NDNF: variants seen among roughly 807,000 people sequenced by gnomAD.
NDNF encodes neuron derived neurotrophic factor, also known as protein NDNF.
NDNF carries 16 observed loss-of-function variants against 42.0 expected under a neutral mutation model. The ratio of observed to expected loss-of-function variants is 0.38; its 90% CI spans 0.26 to 0.58. NDNF has a LOEUF of 0.58. NDNF is among the 20% of genes least tolerant of loss of function. NDNF has a pLI of 0.67. For missense variants in NDNF, 616 were observed against 666.2 expected, an observed-to-expected ratio of 0.92 and a Z score of 0.83; for synonymous variants, 248 against 251.7, an observed-to-expected ratio of 0.99 and a Z score of 0.14.
At chr4:121,063,904 A>T (rs1053973876) in intron 1 of NDNF, among the ~76,000 whole-genome samples, 1 of 152,200 alleles carries the variant, frequency 6.6e-6, no homozygotes, top group Non-Finnish European at 1.5e-5. Context: ...TTTTACCTGA[A>T]ATAATTATCT....
intron 1 of NDNF, chr4:121,061,260 T>C (rs1727400864): frequency 6.6e-6 from 1 of 152,664 alleles, no homozygotes; most frequent in Non-Finnish European, 1.5e-5. Context: ...GTTTGGAGGT[T>C]CTGGCAGGGG....
chr4:121,064,139 T>C (rs1344521953), intron 1 of NDNF, among the ~76,000 whole-genome samples: 2 of 152,222 alleles, frequency 1.3e-5, no homozygotes, highest in Non-Finnish European at 2.9e-5. Context: ...AACATTTTCA[T>C]CAATTTTGCT....
rs374632297 is a variant in NDNF at position 121,063,450 on chromosome 4, A to AAC, written c.-2+8541_-2+8542dup. Among the ~76,000 whole-genome samples, 216 of 150,592 alleles carry AAC rather than the reference A, an allele frequency of 1.4e-3. 1 individual carries two copies. The highest frequency in any genetic ancestry group is 0.012 in the South Asian group (58 of 4,766). ...TGTCTATTACACATATGTGCACATA[A>AAC]ACACACACACACACACACAGAGTGA... On this transcript the variant is annotated intron_variant, in intron 1 of 3. Transcript: ENST00000379692.
intron 1 of NDNF, among the ~76,000 whole-genome samples, chr4:121,052,308 G>A (rs1727212189): frequency 1.3e-5 from 2 of 152,152 alleles, no homozygotes; most frequent in Admixed American, 1.3e-4. Flanking sequence ...TGCAGGCCAC[G>A]AAGTTGAAAT....
chr4:121,052,091 T>C (rs927009447), intron 1 of NDNF, among the ~76,000 whole-genome samples: 2 of 152,196 alleles, frequency 1.3e-5, no homozygotes, highest in Non-Finnish European at 2.9e-5. Context: ...TCAAAACAAA[T>C]TCCTCCATCC....
intron 2 of NDNF, among the ~76,000 whole-genome samples, chr4:121,043,332 T>C (rs755132033): frequency 4.6e-5 from 7 of 152,238 alleles, no homozygotes; most frequent in Non-Finnish European, 8.8e-5. Flanking sequence ...TATCTGGAAT[T>C]TCTTTTTTTA....
At chr4:121,044,921 G>A (rs983736741) in intron 2 of NDNF, among the ~76,000 whole-genome samples, 4 of 152,198 alleles carry the variant, frequency 2.6e-5, no homozygotes, top group East Asian at 3.8e-4. Flanking sequence ...AGCCATGACC[G>A]TGCTACTGCA....
At chr4:121,070,888 G>T (rs547918956) in intron 1 of NDNF, among the ~76,000 whole-genome samples, 1 of 152,296 alleles carries the variant, frequency 6.6e-6, no homozygotes, top group East Asian at 1.9e-4. Context: ...CAACTTGGCC[G>T]GAGGGACAGC....
chr4:121,048,186 C>T (rs540576021), intron 1 of NDNF, among the ~76,000 whole-genome samples: 18 of 152,296 alleles, frequency 1.2e-4, no homozygotes, highest in African/African-American at 4.3e-4. Flanking sequence ...CAAAACTTGC[C>T]TTGTGAGAAC....
At chr4:121,052,134 A>G (rs758953826) in intron 1 of NDNF, among the ~76,000 whole-genome samples, 9 of 152,228 alleles carry the variant, frequency 5.9e-5, no homozygotes, top group Non-Finnish European at 7.3e-5. Context: ...GCAGAAATGT[A>G]TAAATGTAGT....
chr4:121,036,190 G>T lies in NDNF; in HGVS notation c.*74C>A. 2 of 1,191,994 alleles carry T rather than the reference G, an allele frequency of 1.7e-6. No individual in the cohort carries two copies. Among genetic ancestry groups the T allele is most frequent in the Non-Finnish European group, 2.4e-6 (2 of 840,164 alleles). The allele number at this position is 1,191,994 out of a possible 1,614,324, so 73.8% of individuals were successfully genotyped here. ...GTCACAACTTCTCTCAACTGTGGGA[G>T]TAGTCAGTTTATACTTAAAGTGATT... On this transcript the variant is annotated 3_prime_UTR_variant, in exon 4 of 4. Transcript: ENST00000379692.
intron 1 of NDNF, among the ~76,000 whole-genome samples, chr4:121,048,850 A>G (rs1169134073): frequency 1.3e-5 from 2 of 152,320 alleles, no homozygotes; most frequent in South Asian, 4.1e-4. Context: ...AGAAAAAAAA[A>G]TCTGAGATAA....
intron 1 of NDNF, among the ~76,000 whole-genome samples, chr4:121,054,637 A>G (rs924793723): frequency 6.6e-6 from 1 of 152,228 alleles, no homozygotes; most frequent in African/African-American, 2.4e-5. Context: ...CAGGAGAAAA[A>G]GCATTCTGGG....
At chr4:121,060,177 G>A (rs1488645568) in intron 1 of NDNF, among the ~76,000 whole-genome samples, 1 of 151,610 alleles carries the variant, frequency 6.6e-6, no homozygotes, top group East Asian at 1.9e-4. Flanking sequence ...ACCTTCTTTA[G>A]TTTTTTTATT....
Position 121,037,491 on chromosome 4 carries a change from T to G in NDNF, c.480A>C (p.Lys160Asn). Residue 160 changes from lysine to asparagine, a missense_variant, in exon 4 of 4, where the codon AAA becomes AAC. By Grantham distance (94) the Lys-to-Asn change is moderately conservative. Transcript: ENST00000379692. ...ATTCTGGAGTTGTGGTGGCATATAC[T>G]TTGAAATGTGTGTCTTTCTCTGTTG... ...LLSTEKDTHF[K>N]VYATTTPESD... 6.2e-7 allele frequency: 1 copy of G among 1,614,172 alleles called. No homozygotes were observed. Among genetic ancestry groups the G allele is most frequent in the Non-Finnish European group, 8.5e-7 (1 of 1,180,036 alleles).
chr4:121,058,889 G>A (rs184204538), intron 1 of NDNF, among the ~76,000 whole-genome samples: 1,922 of 151,652 alleles, frequency 0.013, 25 homozygotes, highest in Middle Eastern at 0.027. Context: ...AAAATTAAAA[G>A]TAAGATGGCT....
At chr4:121,041,143 T>C (rs1726990810) in intron 2 of NDNF, among the ~76,000 whole-genome samples, 1 of 152,224 alleles carries the variant, frequency 6.6e-6, no homozygotes, top group Non-Finnish European at 1.5e-5. Context: ...GCCTTTATTG[T>C]AATGCCTTAA....
chr4:121,068,377 G>T (rs978050775), intron 1 of NDNF, among the ~76,000 whole-genome samples: 3 of 152,104 alleles, frequency 2.0e-5, no homozygotes, highest in Non-Finnish European at 2.9e-5. Context: ...TCAAAGCAAA[G>T]ATTTTGTGGG....
At position 121,054,892 on chromosome 4, in the gene NDNF, C is replaced by T. The variant is rs537901382; in HGVS notation, c.-1-9054G>A. On this transcript the variant is annotated intron_variant, in intron 1 of 3. Transcript: ENST00000379692. ...TTGCCAAGGCTGGAGTGCAGTGGTG[C>T]AATCATGGCTCACTGCAACCTCTAC... 1.8e-4 allele frequency among the ~76,000 whole-genome samples: 28 copies of T among 152,278 alleles called. No homozygotes were observed. The South Asian group carries it at 5.8e-3, about 32-fold the overall frequency.
Sources: gnomAD v4.1 joint callset for allele counts (sites outside exome capture counted in the v4.1 genomes callset) on GRCh38, gnomAD v4.1.1 for gene constraint, MANE v1.5 for transcripts, NCBI Gene and HGNC (gene_info 2026-07-23, HGNC 2026-07-21) for gene names.